Variants in CEP112 observed in about 807,000 individuals in gnomAD.
The protein encoded by CEP112 is centrosomal protein 112.
A neutral mutation model predicts 153.0 loss-of-function variants in CEP112; 127 were observed. The ratio of observed to expected loss-of-function variants is 0.83; its 90% confidence interval spans 0.72 to 0.96. The LOEUF is 0.96. CEP112 is among the 40% of genes least tolerant of loss of function. The pLI, the probability that CEP112 is intolerant of heterozygous loss-of-function variation, is 0.00. For missense variants in CEP112, 1,089 were observed against 1,101.2 expected (o/e 0.99, Z 0.16); for synonymous variants, 358 against 374.4 (o/e 0.96, Z 0.51).
chr17:65,990,478 G>A (rs1409428699), intron 17 of CEP112, among the ~76,000 whole-genome samples: 2 of 152,232 alleles, frequency 1.3e-5, no homozygotes, highest in African/African-American at 4.8e-5. Flanking sequence ...GAGAAGGAGA[G>A]CACAGAGATT....
At chr17:66,011,618 G>T (rs2064531456) in intron 16 of CEP112, among the ~76,000 whole-genome samples, 3 of 152,076 alleles carry the variant, frequency 2.0e-5, no homozygotes, top group African/African-American at 7.2e-5. Context: ...ATTTGCTGAG[G>T]ATTGTTTTGT....
At chr17:66,020,412 T>C (rs891702905) in intron 16 of CEP112, among the ~76,000 whole-genome samples, 3 of 152,218 alleles carry the variant, frequency 2.0e-5, no homozygotes, top group Non-Finnish European at 2.9e-5. Context: ...AACAGATTTC[T>C]TCCTATACAC....
chr17:66,128,807 A>C (rs887768075), intron 6 of CEP112, among the ~76,000 whole-genome samples: 5 of 152,192 alleles, frequency 3.3e-5, no homozygotes, highest in African/African-American at 9.7e-5. Context: ...AGTCATTTAT[A>C]TAGAATTCTT....
At chr17:65,962,077 G>A (rs776791498) in intron 17 of CEP112, among the ~76,000 whole-genome samples, 8 of 152,186 alleles carry the variant, frequency 5.3e-5, no homozygotes, top group Non-Finnish European at 1.2e-4. Flanking sequence ...GAGACAGAAA[G>A]TACCTTAGTA....
chr17:65,927,272 T>C (rs985632805), intron 19 of CEP112, among the ~76,000 whole-genome samples: 1 of 152,188 alleles, frequency 6.6e-6, no homozygotes, highest in African/African-American at 2.4e-5. Flanking sequence ...GAGGCCACTA[T>C]GCTTTCTGCA....
chr17:65,724,326 CTTAAT>C (rs1382488252), intron 23 of CEP112, among the ~76,000 whole-genome samples: 2 of 152,098 alleles, frequency 1.3e-5, no homozygotes, highest in African/African-American at 2.4e-5. Flanking sequence ...GTTTATTTTG[CTTAAT>C]TTATTGATTT....
chr17:66,081,930 C>G (rs1194395521), intron 8 of CEP112, among the ~76,000 whole-genome samples: 1 of 152,036 alleles, frequency 6.6e-6, no homozygotes, highest in Non-Finnish European at 1.5e-5. Context: ...GAAAAAAAGG[C>G]CTACTTGGCA....
intron 23 of CEP112, among the ~76,000 whole-genome samples, chr17:65,722,451 G>A (rs2049940232): frequency 6.6e-6 from 1 of 152,150 alleles, no homozygotes; most frequent in African/African-American, 2.4e-5. Context: ...GTTTCACCAT[G>A]TTGGCCAGGT....
intron 4 of CEP112, among the ~76,000 whole-genome samples, chr17:66,156,338 T>G (rs1340961386): frequency 6.6e-6 from 1 of 151,778 alleles, no homozygotes; most frequent in Non-Finnish European, 1.5e-5. Flanking sequence ...AGCATCAACA[T>G]CAACAAAAAG....
chr17:66,168,149 C>T (rs980778996), intron 4 of CEP112, among the ~76,000 whole-genome samples: 4 of 152,048 alleles, frequency 2.6e-5, no homozygotes, highest in African/African-American at 9.7e-5. Flanking sequence ...ACCATAGACA[C>T]ATTTTTTTTA....
intron 16 of CEP112, among the ~76,000 whole-genome samples, chr17:66,018,693 A>T (rs1305076639): frequency 1.3e-5 from 2 of 152,222 alleles, no homozygotes; most frequent in Admixed American, 1.3e-4. Flanking sequence ...AACATGATTT[A>T]AAAAGCGTGC....
intron 20 of CEP112, among the ~76,000 whole-genome samples, chr17:65,856,533 T>C (rs1254824828): frequency 2.6e-5 from 4 of 152,344 alleles, no homozygotes; most frequent in South Asian, 4.1e-4. Flanking sequence ...ATTTTCACTA[T>C]GGTTAGTACA....
Position 65,970,437 on chromosome 17 carries a change from T to TCGTG in CEP112, c.1737-8840_1737-8839insCACG. ...CATGTATATTACATGCATGCACACA[T>TCGTG]CATGCATGTATATTACATGCATGCA... On this transcript the variant is annotated intron_variant, in intron 17 of 26. Coordinates refer to ENST00000535342, the MANE Select transcript of CEP112 (RefSeq NM_001199165.4). 8.9e-5 allele frequency among the ~76,000 whole-genome samples: 4 copies of TCGTG among 44,806 alleles called. 1 individual carries two copies. The highest frequency in any genetic ancestry group is 2.6e-4 in the African/African-American group (4 of 15,096). 29.4% of individuals were successfully genotyped at this position (44,806 alleles called of 152,430 possible).
intron 24 of CEP112, among the ~76,000 whole-genome samples, chr17:65,682,543 C>T (rs1005535401): frequency 5.9e-5 from 9 of 152,176 alleles, no homozygotes; most frequent in African/African-American, 1.2e-4. Flanking sequence ...TGCTTTCTAA[C>T]GAATGACTGA....
chr17:65,698,334 G>A (rs1259191479), intron 23 of CEP112, among the ~76,000 whole-genome samples: 2 of 152,114 alleles, frequency 1.3e-5, no homozygotes, highest in African/African-American at 2.4e-5. Flanking sequence ...TAAAGCAAGA[G>A]TTTTTCTTGT....
chr17:66,046,877 A>G (rs573191506), intron 12 of CEP112, among the ~76,000 whole-genome samples: 11 of 152,254 alleles, frequency 7.2e-5, no homozygotes, highest in Non-Finnish European at 1.3e-4. Context: ...CGCAGCCACC[A>G]GAAGCTCCAC....
At chr17:65,903,505 A>G (rs1259356475) in intron 19 of CEP112, among the ~76,000 whole-genome samples, 2 of 152,216 alleles carry the variant, frequency 1.3e-5, no homozygotes, top group East Asian at 1.9e-4. Flanking sequence ...GCTTTAAAAC[A>G]TAGGTTTCAA....
intron 12 of CEP112, among the ~76,000 whole-genome samples, chr17:66,034,075 G>T (rs2065607268): frequency 6.6e-6 from 1 of 152,022 alleles, no homozygotes; most frequent in African/African-American, 2.4e-5. Flanking sequence ...TGCCAATTTT[G>T]ATATACACAG....
intron 19 of CEP112, among the ~76,000 whole-genome samples, chr17:65,918,533 C>T (rs2060579546): frequency 6.6e-6 from 1 of 152,128 alleles, no homozygotes; most frequent in Admixed American, 6.5e-5. Context: ...TGCTGAACTA[C>T]ATTTCTCCTT....
Sources: gnomAD v4.1 joint callset for allele counts (sites outside exome capture counted in the v4.1 genomes callset) on GRCh38, gnomAD v4.1.1 for gene constraint, MANE v1.5 for transcripts, NCBI Gene and HGNC (gene_info 2026-07-23, HGNC 2026-07-21) for gene names.